Variants in SSB observed in about 807,000 individuals in gnomAD.
SSB encodes the protein small RNA binding exonuclease protection factor La.
SSB carries 17 observed loss-of-function variants against 52.9 expected under a neutral mutation model. The observed-to-expected ratio is 0.32, with a 90% CI of 0.22 to 0.48. The LOEUF (loss-of-function observed/expected upper bound fraction) is 0.48. Ranked by LOEUF, SSB falls within the 20% of genes least tolerant of loss-of-function variation. The pLI is 0.99. For synonymous variants in SSB, 111 were observed against 152.1 expected (o/e 0.73, Z 1.99); for missense variants, 314 against 463.6 (o/e 0.68, Z 2.96).
intron 8 of SSB, 79 bp from the exon 9 acceptor site, chr2:169,810,204 A>T: frequency 9.7e-7 from 1 of 1,027,682 alleles, no homozygotes. Context: ...TTTCTTGTAT[A>T]GCTATAAGGT....
intron 2 of SSB, among the ~76,000 whole-genome samples, chr2:169,803,491 C>T (rs1036763704): frequency 5.9e-5 from 9 of 152,082 alleles, no homozygotes; most frequent in Non-Finnish European, 1.2e-4. Flanking sequence ...CTCGGGTGAT[C>T]CACCTGCTTC....
At position 169,811,782 on chromosome 2, in the gene SSB, T is replaced by C. The variant is rs1329764994; in HGVS notation, c.*26T>C. 2 of 1,613,270 alleles carry C rather than the reference T, an allele frequency of 1.2e-6. No individual in the cohort carries two copies. The highest frequency in any genetic ancestry group is 2.7e-5 in the African/African-American group (2 of 74,878). On this transcript the variant is annotated 3_prime_UTR_variant, in exon 12 of 12. Coordinates refer to ENST00000260956, the MANE Select transcript of SSB (RefSeq NM_003142.5). ...TTTAGTAAACCAATTTTTTATTCATTTTAAATAGGTTTTAAACGACTTTTG... is the reference window on the plus strand; with the variant it reads ...TTTAGTAAACCAATTTTTTATTCATCTTAAATAGGTTTTAAACGACTTTTG...
chr2:169,810,927 C>G lies in SSB; in HGVS notation c.880C>G (p.Leu294Val). 6.2e-7 allele frequency: 1 copy of G among 1,613,318 alleles called. No individual in the cohort carries two copies. The highest frequency in any genetic ancestry group is 8.5e-7 in the Non-Finnish European group (1 of 1,179,648). The change falls in exon 10 of 12, where the codon CTA becomes GTA. Residue 294 changes from leucine to valine, a missense_variant. By Grantham distance (32) the Leu-to-Val change is conservative. Transcript: ENST00000260956. ...GKAKDANNGN[L>V]QLRNKEVTWE... Reference sequence around the variant, plus strand: ...AGCCAAAGATGCAAATAATGGTAACCTACAATTAAGGAACAAAGAAGTGAC... The same window carrying G: ...AGCCAAAGATGCAAATAATGGTAACGTACAATTAAGGAACAAAGAAGTGAC...
Position 169,811,929 on chromosome 2 carries a change from G to A in SSB, c.*173G>A, listed in dbSNP as rs1689973009. Reference sequence around the variant, plus strand: ...TTATGCAAATGAGATTTCTTTGAATGTATTGTTCTGTTTGTGTTATTTCAG... The same window carrying A: ...TTATGCAAATGAGATTTCTTTGAATATATTGTTCTGTTTGTGTTATTTCAG... On this transcript the variant is annotated 3_prime_UTR_variant, in exon 12 of 12. Coordinates refer to ENST00000260956, the MANE Select transcript of SSB (RefSeq NM_003142.5). The A allele has an allele frequency of 4.7e-6, 7 of 1,503,266 alleles. No homozygotes were observed. The highest frequency in any genetic ancestry group is 3.5e-5 in the South Asian group (3 of 84,702). 93.1% of individuals were successfully genotyped at this position (1,503,266 alleles called of 1,614,324 possible). A position where few individuals can be genotyped will look rare whatever the true frequency, so the allele number is the denominator to read the frequency against.
chr2:169,810,474 A>G (rs755121826), intron 9 of SSB, 51 bp downstream of exon 9: 5 of 1,509,468 alleles, frequency 3.3e-6, no homozygotes, highest in Non-Finnish European at 3.6e-6. Context: ...AATCTGTAGA[A>G]ACTTAGACAA....
At chr2:169,810,510 T>C (rs1407962197) in intron 9 of SSB, 87 bp downstream of exon 9, 13 of 1,250,064 alleles carry the variant, frequency 1.0e-5, no homozygotes, top group Middle Eastern at 4.0e-4. Flanking sequence ...ATTTTAAAAA[T>C]TGTGTTTATT....
Position 169,811,047 on chromosome 2 carries a change from C to A in SSB, c.997+3C>A, listed in dbSNP as rs1015980583. 28 of 1,605,888 alleles carry A rather than the reference C, an allele frequency of 1.7e-5. No individual in the cohort carries two copies. The highest frequency in any genetic ancestry group is 3.5e-5 in the Admixed American group (2 of 57,796). On this transcript the variant is annotated splice_donor_region_variant and intron_variant, in intron 10 of 11. Transcript: ENST00000260956. ...CCTAAACAAATGGAAGTCAAAAGGT[C>A]ATTTATTCTGATTTTTCTTTAACAG...
At chr2:169,810,150 G>A (rs551733675) in intron 8 of SSB, 133 bp from the exon 9 acceptor site, 21 of 460,634 alleles carry the variant, frequency 4.6e-5, no homozygotes, top group East Asian at 3.6e-4. Context: ...TTGCTGCCCC[G>A]GCGGAAGAAA....
chr2:169,808,930 C>T, intron 8 of SSB, 28 bp downstream of exon 8: 1 of 1,562,802 alleles, frequency 6.4e-7, no homozygotes, highest in Non-Finnish European at 8.8e-7. Context: ...CTATCTAGTA[C>T]ATCTGTAATT....
intron 1 of SSB, 187 bp downstream of exon 1, chr2:169,799,163 G>C (rs1031277047): frequency 2.0e-5 from 3 of 152,090 alleles, no homozygotes; most frequent in Non-Finnish European, 4.4e-5. Context: ...GGGCGGCGGC[G>C]AGGCTGCCCC....
intron 11 of SSB, 69 bp downstream of exon 11, chr2:169,811,392 CAG>C: frequency 6.8e-7 from 1 of 1,468,410 alleles, no homozygotes; most frequent in Non-Finnish European, 9.0e-7. Flanking sequence ...AATGATTTGC[CAG>C]AGAGAATAGG....
chr2:169,809,613 ATTTT>A (rs1345303085), intron 8 of SSB, among the ~76,000 whole-genome samples: 1 of 147,984 alleles, frequency 6.8e-6, no homozygotes, highest in Non-Finnish European at 1.5e-5. Flanking sequence ...TGACTATAAA[ATTTT>A]TTTTTTTCTT....
chr2:169,799,153 G>A (rs1689647764), intron 1 of SSB, 177 bp downstream of exon 1: 1 of 152,110 alleles, frequency 6.6e-6, no homozygotes, highest in Admixed American at 6.6e-5. Context: ...GAGGGGGCGC[G>A]GGCGGCGGCG....
chr2:169,801,786 A>C (rs1162611641), intron 2 of SSB, among the ~76,000 whole-genome samples: 1 of 152,066 alleles, frequency 6.6e-6, no homozygotes, highest in Admixed American at 6.6e-5. Flanking sequence ...TGCCCACCTC[A>C]GCCTCCCAAA....
intron 7 of SSB, 127 bp from the exon 8 acceptor site, chr2:169,808,733 C>CA: frequency 9.7e-7 from 1 of 1,028,046 alleles, no homozygotes; most frequent in Non-Finnish European, 1.4e-6. Context: ...ATTGGACGAT[C>CA]AAAAAAACCT....
In SSB at chr2:169,811,206, A is replaced by G; in HGVS notation, c.1021A>G (p.Lys341Glu). 1 of 1,609,836 alleles carries G rather than the reference A, an allele frequency of 6.2e-7. No homozygotes were observed. Among genetic ancestry groups the G allele is most frequent in the Non-Finnish European group, 8.5e-7 (1 of 1,179,158 alleles). Residue 341 changes from lysine (K) to glutamate (E), a missense_variant, in exon 11 of 12, where the codon AAG becomes GAG. Physicochemically the swap from Lys to Glu is moderately conservative, Grantham distance 56. Coordinates refer to ENST00000260956, the MANE Select transcript of SSB (RefSeq NM_003142.5). Reference protein sequence around the residue: ...SKGRRFKGKGKGNKAAQPGSG... With the variant: ...SKGRRFKGKGEGNKAAQPGSG... ...AGGTCGTAGATTTAAAGGAAAAGGA[A>G]AGGGTAATAAAGCTGCCCAGCCTGG... is the stretch of plus-strand genomic sequence containing the variant.
chr2:169,805,161 T>C lies in SSB; in HGVS notation c.67-313T>C, dbSNP rs567345667. On this transcript the variant is annotated intron_variant, in intron 2 of 11. Coordinates refer to ENST00000260956, the MANE Select transcript of SSB (RefSeq NM_003142.5). ...AAATAAGAATTGAGTGATTAACCAATTTCTTCCAGTTCTTTTTATTTAACC... is the reference window on the plus strand; with the variant it reads ...AAATAAGAATTGAGTGATTAACCAACTTCTTCCAGTTCTTTTTATTTAACC... Among the ~76,000 whole-genome samples, 24 of 152,244 alleles carry C rather than the reference T, an allele frequency of 1.6e-4. No individual in the cohort carries two copies. In the Middle Eastern group the frequency reaches 0.014, roughly 86 times the overall value.
At chr2:169,800,875 T>C in intron 1 of SSB, 77 bp from the exon 2 acceptor site, 2 of 1,109,630 alleles carry the variant, frequency 1.8e-6, no homozygotes, top group South Asian at 3.6e-5. Flanking sequence ...GGGATATTAA[T>C]ACTTTGTAAA....
intron 11 of SSB, 23 bp downstream of exon 11, chr2:169,811,346 G>T: frequency 1.3e-6 from 2 of 1,532,568 alleles, no homozygotes; most frequent in South Asian, 1.3e-5. Flanking sequence ...TAAGTCCTTT[G>T]GTAGTTTCAT....
Sources: gnomAD v4.1 joint callset for allele counts (sites outside exome capture counted in the v4.1 genomes callset) on GRCh38, gnomAD v4.1.1 for gene constraint, MANE v1.5 for transcripts, NCBI Gene and HGNC (gene_info 2026-07-23, HGNC 2026-07-21) for gene names.